Variants in CNTN1 observed in about 807,000 individuals in gnomAD.
The protein encoded by CNTN1 is contactin-1.
In CNTN1, 38 loss-of-function variants were observed where a neutral mutation model predicts 126.4. The observed-to-expected ratio is 0.30, with a 90% CI of 0.23 to 0.39. CNTN1 has a LOEUF of 0.39. Among genes scored for constraint, CNTN1 ranks in the 10% least tolerant of loss-of-function variants. The pLI, the probability that CNTN1 is intolerant of heterozygous loss-of-function variation, is 1.00. For missense variants in CNTN1, 1,009 were observed against 1,248.4 expected, an observed-to-expected ratio of 0.81 and a Z score of 2.89; for synonymous variants, 413 against 422.6, an observed-to-expected ratio of 0.98 and a Z score of 0.28.
chr12:40,965,998 C>CCACACACACA lies in CNTN1; in HGVS notation c.1804+6796_1804+6805dup, dbSNP rs57532764. Among the ~76,000 whole-genome samples, 282 of 136,272 alleles carry CCACACACACA rather than the reference C, an allele frequency of 2.1e-3. 4 individuals are homozygous for CCACACACACA. Among genetic ancestry groups the CCACACACACA allele is most frequent in the Admixed American group, 3.0e-3 (41 of 13,498 alleles). 89.4% of individuals were successfully genotyped at this position (136,272 alleles called of 152,430 possible). A position where few individuals can be genotyped will look rare whatever the true frequency, so the allele number is the denominator to read the frequency against. On this transcript the variant is annotated intron_variant, in intron 15 of 23. Coordinates refer to ENST00000551295, the MANE Select transcript of CNTN1 (RefSeq NM_001843.4). ...GTGTAAGTATACACACCTCATCACA[C>CCACACACACA]CACACACACACACACACACACACAC...
intron 15 of CNTN1, among the ~76,000 whole-genome samples, chr12:40,968,688 G>A (rs1288576548): frequency 6.6e-6 from 1 of 152,122 alleles, no homozygotes; most frequent in Admixed American, 6.6e-5. Context: ...TGAGGTGGTA[G>A]TACAAGGACT....
At position 41,020,445 on chromosome 12, in the gene CNTN1, G is replaced by A. The variant is rs1424541542; in HGVS notation, c.2523+5G>A. ...AAAATAGTGGAAAGCTATCAGGTACGTTAAATTTTTATCAAACTAAATACA... is the reference window on the plus strand; with the variant it reads ...AAAATAGTGGAAAGCTATCAGGTACATTAAATTTTTATCAAACTAAATACA... On this transcript the variant is annotated splice_donor_5th_base_variant and intron_variant, in intron 20 of 23. Transcript: ENST00000551295. The A allele has an allele frequency of 5.1e-6, 8 of 1,566,728 alleles. 1 individual carries two copies. Among genetic ancestry groups the A allele is most frequent in the Admixed American group, 1.7e-5 (1 of 59,806 alleles).
chr12:40,885,525 C>A (rs1010967830), intron 1 of CNTN1, among the ~76,000 whole-genome samples: 3 of 151,934 alleles, frequency 2.0e-5, no homozygotes, highest in Non-Finnish European at 4.4e-5. Context: ...AACTGTGTGA[C>A]CTTAGCTACT....
At chr12:41,024,346 C>A (rs972978307) in intron 20 of CNTN1, among the ~76,000 whole-genome samples, 22 of 151,840 alleles carry the variant, frequency 1.4e-4, no homozygotes, top group African/African-American at 5.1e-4. Context: ...TCTTATATTA[C>A]ATATAACATA....
At chr12:40,908,614 A>G in intron 2 of CNTN1, 121 bp downstream of exon 2, 1 of 663,270 alleles carries the variant, frequency 1.5e-6, no homozygotes, top group Admixed American at 2.7e-5. Context: ...TCAGATAAGT[A>G]GATAAATATG....
chr12:40,798,302 G>A (rs1403405352), intron 1 of CNTN1, among the ~76,000 whole-genome samples: 1 of 151,952 alleles, frequency 6.6e-6, no homozygotes, highest in Non-Finnish European at 1.5e-5. Flanking sequence ...CAGCCCCAGA[G>A]GTTTAATCAA....
chr12:40,950,407 A>T (rs1180077691), intron 14 of CNTN1, among the ~76,000 whole-genome samples: 1 of 152,188 alleles, frequency 6.6e-6, no homozygotes, highest in Non-Finnish European at 1.5e-5. Flanking sequence ...TTCAAAATGC[A>T]TATCCAAAAT....
chr12:41,041,355 A>C (rs182218302), intron 23 of CNTN1, among the ~76,000 whole-genome samples: 1 of 152,142 alleles, frequency 6.6e-6, no homozygotes, highest in African/African-American at 2.4e-5. Flanking sequence ...ATGTTCATCA[A>C]GGATATTGGT....
Position 41,020,356 on chromosome 12 carries a change from A to G in CNTN1, c.2439A>G (p.Thr813=), listed in dbSNP as rs1458849986. 1.2e-6 allele frequency: 2 copies of G among 1,611,844 alleles called. No individual in the cohort carries two copies. The highest frequency in any genetic ancestry group is 1.1e-5 in the South Asian group (1 of 90,578). ...TTTCAGCTCCCAGTGAAGCCCCAAC[A>G]GAAGTAGGTGTAAAAGTCTTATCAT... is the stretch of plus-strand genomic sequence containing the variant. The part of the protein sequence containing the change: ...SAQDAPSEAP[T]EVGVKVLSSS... Residue 813 remains threonine, a synonymous_variant, in exon 20 of 24, where the codon ACA becomes ACG. Transcript: ENST00000551295.
chr12:40,911,705 A>G lies in CNTN1; in HGVS notation c.94+1600A>G, dbSNP rs1232091201. ...CCAGGTATCACACAGAGACATAACAATGTCTTGTAGGCAAATAGAGCATGC... is the reference window on the plus strand; with the variant it reads ...CCAGGTATCACACAGAGACATAACAGTGTCTTGTAGGCAAATAGAGCATGC... On this transcript the variant is annotated intron_variant, in intron 3 of 23. Transcript: ENST00000551295. 3.3e-5 allele frequency among the ~76,000 whole-genome samples: 5 copies of G among 152,172 alleles called. No individual in the cohort carries two copies. In the East Asian group the frequency reaches 9.6e-4, roughly 29 times the overall value.
intron 23 of CNTN1, among the ~76,000 whole-genome samples, chr12:41,061,549 C>T (rs916246975): frequency 3.5e-4 from 53 of 152,146 alleles, no homozygotes; most frequent in African/African-American, 1.2e-3. Context: ...ACCGAAGCCA[C>T]TAGCACTTAG....
At chr12:40,970,746 C>T (rs1055095501) in intron 15 of CNTN1, among the ~76,000 whole-genome samples, 8 of 152,122 alleles carry the variant, frequency 5.3e-5, no homozygotes, top group African/African-American at 1.9e-4. Flanking sequence ...GATCTAAAAG[C>T]TGTGGCCTTT....
Position 40,933,967 on chromosome 12 carries a change from A to C in CNTN1, c.985+89A>C. 3.0e-6 allele frequency: 3 copies of C among 995,200 alleles called. No homozygotes were observed. The South Asian group carries it at 4.3e-5, about 14-fold the overall frequency. The allele number at this position is 995,200 out of a possible 1,614,324, so 61.6% of individuals were successfully genotyped here. On this transcript the variant is annotated intron_variant, in intron 9 of 23. Transcript: ENST00000551295. ...CATGAAAAACTACTATATAATGATT[A>C]ATGGTTTTAAAAACAGTGATGCATG...
chr12:40,784,843 A>G (rs1939945346), intron 1 of CNTN1, among the ~76,000 whole-genome samples: 1 of 152,150 alleles, frequency 6.6e-6, no homozygotes, highest in African/African-American at 2.4e-5. Flanking sequence ...GAATTCAGAA[A>G]TATAAGGTAG....
chr12:40,892,991 A>G lies in CNTN1; in HGVS notation c.-76-15366A>G, dbSNP rs562786106. ...AATAAACAAATACATGATTGAGTTGAAAACATAAAAATATTTATTAAAATA... is the reference window on the plus strand; with the variant it reads ...AATAAACAAATACATGATTGAGTTGGAAACATAAAAATATTTATTAAAATA... On this transcript the variant is annotated intron_variant, in intron 1 of 23. Coordinates refer to ENST00000551295, the MANE Select transcript of CNTN1 (RefSeq NM_001843.4). Among the ~76,000 whole-genome samples the G allele has an allele frequency of 1.2e-3, 189 of 151,704 alleles. 1 individual carries two copies. The highest frequency in any genetic ancestry group is 2.2e-3 in the Non-Finnish European group (148 of 67,864).
At chr12:40,975,554 G>A (rs1416105640) in intron 15 of CNTN1, among the ~76,000 whole-genome samples, 1 of 152,004 alleles carries the variant, frequency 6.6e-6, no homozygotes, top group Non-Finnish European at 1.5e-5. Context: ...CATTATTTTT[G>A]TATGCCCCAT....
intron 17 of CNTN1, among the ~76,000 whole-genome samples, chr12:41,005,377 C>A (rs1313347473): frequency 6.6e-6 from 1 of 152,042 alleles, no homozygotes; most frequent in Non-Finnish European, 1.5e-5. Flanking sequence ...TCTTTCATTT[C>A]AATCTTTAAA....
At chr12:40,935,716 C>T (rs1946056801) in intron 9 of CNTN1, among the ~76,000 whole-genome samples, 1 of 151,860 alleles carries the variant, frequency 6.6e-6, no homozygotes, top group South Asian at 2.1e-4. Context: ...AAAATATCTC[C>T]CTATGTTACA....
intron 1 of CNTN1, among the ~76,000 whole-genome samples, chr12:40,866,591 A>G (rs1943307312): frequency 6.6e-6 from 1 of 152,078 alleles, no homozygotes; most frequent in Non-Finnish European, 1.5e-5. Context: ...TCTTTATTCT[A>G]TTAATATGAT....
Sources: gnomAD v4.1 joint callset for allele counts (sites outside exome capture counted in the v4.1 genomes callset) on GRCh38, gnomAD v4.1.1 for gene constraint, MANE v1.5 for transcripts, NCBI Gene and HGNC (gene_info 2026-07-23, HGNC 2026-07-21) for gene names.